CDK19: variants seen among roughly 807,000 people sequenced by gnomAD.
CDK19 encodes the protein cyclin-dependent kinase 19.
A neutral mutation model predicts 68.3 loss-of-function variants in CDK19; 20 were observed. The ratio of observed to expected loss-of-function variants is 0.29; its 90% CI spans 0.21 to 0.43. CDK19 has a LOEUF of 0.43. Ranked by LOEUF, CDK19 falls within the 20% of genes least tolerant of loss-of-function variation. The probability of loss-of-function intolerance (pLI) is 1.00; values close to 1 mark genes in which losing one functional copy is unlikely to be tolerated. For synonymous variants in CDK19, 221 were observed against 222.8 expected (o/e 0.99, Z 0.07); for missense variants, 339 against 623.5 (o/e 0.54, Z 4.86).
At chr6:110,773,343 CAAAA>C (rs1038366551) in intron 1 of CDK19, among the ~76,000 whole-genome samples, 1 of 86,144 alleles carries the variant, frequency 1.2e-5, no homozygotes. Context: ...GACTCTGTCT[CAAAA>C]AAAAAAAAAA....
intron 2 of CDK19, chr6:110,700,603 G>A (rs1009664616): frequency 6.6e-6 from 1 of 152,456 alleles, no homozygotes; most frequent in African/African-American, 2.4e-5. Context: ...TGGAGCCAGG[G>A]GTGGTGGTTC....
chr6:110,662,001 G>A lies in CDK19; in HGVS notation c.456+5433C>T, dbSNP rs146064649. ...TTTTTGGGGGGGGAGACTGAGTCTC[G>A]CTCTATTGCCTAGGCTGGAGTGCAG... On this transcript the variant is annotated intron_variant, in intron 4 of 12. Transcript: ENST00000368911. Among the ~76,000 whole-genome samples, 1,404 of 151,966 alleles carry A rather than the reference G, an allele frequency of 9.2e-3. 23 individuals carry two copies. The highest frequency in any genetic ancestry group is 0.033 in the African/African-American group (1,349 of 41,438).
intron 2 of CDK19, among the ~76,000 whole-genome samples, chr6:110,689,436 T>C (rs1482896696): frequency 6.6e-6 from 1 of 152,174 alleles, no homozygotes; most frequent in Non-Finnish European, 1.5e-5. Flanking sequence ...ATCCCACCAC[T>C]ACTACCACAG....
chr6:110,666,240 C>G (rs1459068200), intron 4 of CDK19, among the ~76,000 whole-genome samples: 5 of 146,944 alleles, frequency 3.4e-5, no homozygotes, highest in African/African-American at 1.2e-4. Flanking sequence ...ATGGTGAAAC[C>G]CTGTCTCTAC....
At chr6:110,632,445 T>A (rs1343211873) in intron 5 of CDK19, among the ~76,000 whole-genome samples, 1 of 152,154 alleles carries the variant, frequency 6.6e-6, no homozygotes, top group Non-Finnish European at 1.5e-5. Flanking sequence ...CTTAAAGATA[T>A]TCTGGGCTGG....
chr6:110,669,179 CA>C (rs1167063257), intron 3 of CDK19, among the ~76,000 whole-genome samples: 3 of 151,560 alleles, frequency 2.0e-5, no homozygotes, highest in Non-Finnish European at 4.4e-5. Context: ...AAGAATTGAA[CA>C]AAAAAAACAC....
intron 1 of CDK19, among the ~76,000 whole-genome samples, chr6:110,771,258 T>A (rs190846285): frequency 1.3e-5 from 2 of 152,348 alleles, no homozygotes; most frequent in East Asian, 3.9e-4. Flanking sequence ...TGCCTCAGCA[T>A]CCAGCATTTC....
chr6:110,643,094 G>A (rs1346040051), intron 4 of CDK19: 6 of 762,348 alleles, frequency 7.9e-6, no homozygotes, highest in Admixed American at 3.7e-5. Flanking sequence ...AGCTGAGCCT[G>A]CTACCCCACA....
At chr6:110,670,706 C>G in intron 2 of CDK19, 165 bp from the exon 3 acceptor site, 1 of 659,984 alleles carries the variant, frequency 1.5e-6, no homozygotes, top group Admixed American at 2.4e-5. Context: ...GAGATAAGCT[C>G]TGTCAATATC....
intron 1 of CDK19, among the ~76,000 whole-genome samples, chr6:110,779,042 C>T (rs1583080541): frequency 6.6e-6 from 1 of 152,146 alleles, no homozygotes; most frequent in African/African-American, 2.4e-5. Flanking sequence ...CTGTTTTGTA[C>T]TGTAGGTGAA....
At position 110,815,282 on chromosome 6, in the gene CDK19, G is replaced by T; in HGVS notation, c.-146C>A. 1 of 942,992 alleles carries T rather than the reference G, an allele frequency of 1.1e-6. No individual in the cohort carries two copies. Among genetic ancestry groups the T allele is most frequent in the Non-Finnish European group, 1.4e-6 (1 of 703,118 alleles). The allele number at this position is 942,992 out of a possible 1,614,324, so 58.4% of individuals were successfully genotyped here. Reference sequence around the variant, plus strand: ...GCCGCCCGCCGCCCGCCGCTCCGCGGTCCGCCTTCAGCAAGGGACTCCTCG... The same window carrying T: ...GCCGCCCGCCGCCCGCCGCTCCGCGTTCCGCCTTCAGCAAGGGACTCCTCG... On this transcript the variant is annotated 5_prime_UTR_variant, in exon 1 of 13. Coordinates refer to ENST00000368911, the MANE Select transcript of CDK19 (RefSeq NM_015076.5).
chr6:110,642,318 A>G (rs1780253500), intron 4 of CDK19, among the ~76,000 whole-genome samples: 1 of 151,898 alleles, frequency 6.6e-6, no homozygotes, highest in Non-Finnish European at 1.5e-5. Flanking sequence ...CAAAAAAAAA[A>G]AAAAAAAAAA....
At chr6:110,741,205 T>C (rs552099140) in intron 2 of CDK19, among the ~76,000 whole-genome samples, 45 of 151,942 alleles carry the variant, frequency 3.0e-4, no homozygotes, top group Non-Finnish European at 5.3e-4. Context: ...CATGTAATCC[T>C]AGCACTTTGA....
At chr6:110,744,666 G>A (rs1407564033) in intron 2 of CDK19, among the ~76,000 whole-genome samples, 2 of 152,188 alleles carry the variant, frequency 1.3e-5, no homozygotes, top group Non-Finnish European at 2.9e-5. Context: ...CACTATGGTA[G>A]GAACTAGAGA....
At chr6:110,672,326 T>C (rs2114456657) in intron 2 of CDK19, among the ~76,000 whole-genome samples, 1 of 152,290 alleles carries the variant, frequency 6.6e-6, no homozygotes, top group Non-Finnish European at 1.5e-5. Context: ...CACCCAACAC[T>C]GGCACAGATC....
chr6:110,735,007 A>G (rs1202027199), intron 2 of CDK19, among the ~76,000 whole-genome samples: 2 of 152,134 alleles, frequency 1.3e-5, no homozygotes, highest in Non-Finnish European at 2.9e-5. Flanking sequence ...TCAAATGACT[A>G]TTTTCCACCC....
At chr6:110,813,359 T>C (rs1783267504) in intron 1 of CDK19, 1 of 152,086 alleles carries the variant, frequency 6.6e-6, no homozygotes. Flanking sequence ...ACCAAAAGTA[T>C]ACCACAAAGT....
chr6:110,703,073 A>C (rs1389857867), intron 2 of CDK19, among the ~76,000 whole-genome samples: 1 of 152,160 alleles, frequency 6.6e-6, no homozygotes, highest in Non-Finnish European at 1.5e-5. Flanking sequence ...ACTCTAAGGT[A>C]TTGTTTTTCA....
chr6:110,761,319 T>TA (rs1307804622), intron 1 of CDK19, among the ~76,000 whole-genome samples: 1 of 152,166 alleles, frequency 6.6e-6, no homozygotes, highest in African/African-American at 2.4e-5. Context: ...CCTTTGCAAA[T>TA]AATTTAAATG....
Sources: gnomAD v4.1 joint callset for allele counts (sites outside exome capture counted in the v4.1 genomes callset) on GRCh38, gnomAD v4.1.1 for gene constraint, MANE v1.5 for transcripts, NCBI Gene and HGNC (gene_info 2026-07-23, HGNC 2026-07-21) for gene names.